The following SAMD5 variants were observed in gnomAD, a reference collection of about 807,000 sequenced individuals.
The protein encoded by SAMD5 is sterile alpha motif domain-containing protein 5.
SAMD5 carries 13 observed loss-of-function variants against 11.3 expected under a neutral mutation model. The observed-to-expected ratio is 1.15, with a 90% CI of 0.75 to 1.83. The LOEUF (loss-of-function observed/expected upper bound fraction) is 1.83. Among genes scored for constraint, SAMD5 ranks in the 40% most tolerant of loss-of-function variants. SAMD5 has a pLI of 0.00. For synonymous variants in SAMD5, 129 were observed against 111.3 expected, an observed-to-expected ratio of 1.16 and a Z score of -1.00; for missense variants, 255 against 239.1, an observed-to-expected ratio of 1.07 and a Z score of -0.44.
chr6:147,646,171 T>C (rs1790398377), intron 1 of SAMD5, among the ~76,000 whole-genome samples: 2 of 152,014 alleles, frequency 1.3e-5, no homozygotes, highest in African/African-American at 4.8e-5. Context: ...TTTGACTCCC[T>C]CAAAACTTAA....
the SAMD5 span, among the ~76,000 whole-genome samples, chr6:147,936,378 C>T: frequency 2.7e-5 from 4 of 146,622 alleles, no homozygotes; most frequent in Non-Finnish European, 5.9e-5. Flanking sequence ...AGGAAGCTTA[C>T]AATCATGGCA....
At chr6:147,862,909 A>T in the SAMD5 span, among the ~76,000 whole-genome samples, 1 of 152,178 alleles carries the variant, frequency 6.6e-6, no homozygotes, top group African/African-American at 2.4e-5. Context: ...AAAATTATCA[A>T]TATAGAAACT....
the SAMD5 span, among the ~76,000 whole-genome samples, chr6:147,753,614 G>A: frequency 2.6e-5 from 4 of 151,944 alleles, no homozygotes; most frequent in African/African-American, 9.7e-5. Flanking sequence ...AGTTATGATG[G>A]ACTAAAGTCA....
chr6:147,589,659 G>T (rs1286040921), intron 1 of SAMD5, among the ~76,000 whole-genome samples: 3 of 152,070 alleles, frequency 2.0e-5, no homozygotes, highest in Non-Finnish European at 4.4e-5. Context: ...CAACTGCATG[G>T]GTATGACTCC....
the SAMD5 span, among the ~76,000 whole-genome samples, chr6:147,920,440 G>A: frequency 2.6e-5 from 4 of 152,138 alleles, no homozygotes; most frequent in African/African-American, 9.7e-5. Context: ...TACTTTTGAG[G>A]TTTTGGGACT....
the SAMD5 span, among the ~76,000 whole-genome samples, chr6:147,781,674 G>A: frequency 7.2e-5 from 11 of 151,906 alleles, no homozygotes; most frequent in African/African-American, 2.7e-4. Context: ...CACCCTCACA[G>A]AATTCACGTT....
At chr6:147,560,475 C>T (rs142700811) in intron 1 of SAMD5, among the ~76,000 whole-genome samples, 32 of 152,234 alleles carry the variant, frequency 2.1e-4, no homozygotes, top group African/African-American at 6.7e-4. Flanking sequence ...ATACAGTCAC[C>T]GGTTATATTT....
chr6:147,705,519 C>A (rs1250551238), intron 1 of SAMD5, among the ~76,000 whole-genome samples: 1 of 152,002 alleles, frequency 6.6e-6, no homozygotes, highest in African/African-American at 2.4e-5. Flanking sequence ...CAGATTTCTG[C>A]CGTGTTTCTG....
At chr6:147,822,706 C>T in the SAMD5 span, among the ~76,000 whole-genome samples, 4 of 152,244 alleles carry the variant, frequency 2.6e-5, no homozygotes, top group Middle Eastern at 6.8e-3. Context: ...AGCAATTATC[C>T]CTCTCATCCT....
chr6:147,511,030 G>T (rs948178988), intron 1 of SAMD5, among the ~76,000 whole-genome samples: 2 of 152,316 alleles, frequency 1.3e-5, no homozygotes, highest in African/African-American at 2.4e-5. Context: ...GGGAAGTAAG[G>T]TGGGCTTAGT....
intron 1 of SAMD5, among the ~76,000 whole-genome samples, chr6:147,609,238 C>T (rs1319381362): frequency 6.6e-6 from 1 of 152,048 alleles, no homozygotes; most frequent in East Asian, 1.9e-4. Context: ...GACTTGTGTC[C>T]TCATAAAAAG....
At chr6:147,774,376 T>C in the SAMD5 span, among the ~76,000 whole-genome samples, 1 of 152,196 alleles carries the variant, frequency 6.6e-6, no homozygotes, top group African/African-American at 2.4e-5. Flanking sequence ...TGTCCCTTGA[T>C]ATCCATAGGG....
the SAMD5 span, among the ~76,000 whole-genome samples, chr6:147,869,771 C>T: frequency 6.6e-6 from 1 of 152,046 alleles, no homozygotes; most frequent in Non-Finnish European, 1.5e-5. Context: ...CAATAAGGTT[C>T]ATTGCAGCCT....
At chr6:147,771,990 A>C in the SAMD5 span, among the ~76,000 whole-genome samples, 1 of 152,252 alleles carries the variant, frequency 6.6e-6, no homozygotes, top group Admixed American at 6.5e-5. Flanking sequence ...AGACACTTGA[A>C]AGTTTTTTCT....
At chr6:147,876,251 T>A in the SAMD5 span, among the ~76,000 whole-genome samples, 34 of 152,330 alleles carry the variant, frequency 2.2e-4, no homozygotes, top group African/African-American at 7.2e-4. Flanking sequence ...GAGAAGAAGA[T>A]GTGAGGAACT....
At chr6:147,703,920 G>T (rs188392197) in intron 1 of SAMD5, among the ~76,000 whole-genome samples, 18 of 152,158 alleles carry the variant, frequency 1.2e-4, no homozygotes, top group Admixed American at 5.2e-4. Flanking sequence ...TTTTTAGACG[G>T]ATTCTTGCTC....
the SAMD5 span, among the ~76,000 whole-genome samples, chr6:147,792,148 C>T: frequency 6.6e-5 from 10 of 152,100 alleles, no homozygotes; most frequent in African/African-American, 7.2e-5. Context: ...TATGAAACAA[C>T]GTTACTGAAG....
intron 1 of SAMD5, among the ~76,000 whole-genome samples, chr6:147,518,414 A>G (rs1346564573): frequency 6.6e-6 from 1 of 152,248 alleles, no homozygotes; most frequent in Non-Finnish European, 1.5e-5. Flanking sequence ...AGGCATACCC[A>G]TGAAAAATAA....
At chr6:147,588,518 G>T (rs754005076) in intron 1 of SAMD5, among the ~76,000 whole-genome samples, 2 of 151,732 alleles carry the variant, frequency 1.3e-5, no homozygotes, top group East Asian at 3.9e-4. Context: ...TAGAGACAGG[G>T]TCTCATCATG....
Sources: gnomAD v4.1 joint callset for allele counts (sites outside exome capture counted in the v4.1 genomes callset) on GRCh38, gnomAD v4.1.1 for gene constraint, MANE v1.5 for transcripts, NCBI Gene and HGNC (gene_info 2026-07-23, HGNC 2026-07-21) for gene names.